The following SLIT2 variants were observed in gnomAD, a reference collection of about 807,000 sequenced individuals.
SLIT2 encodes the protein slit homolog 2 protein.
SLIT2 carries 41 observed loss-of-function variants against 185.7 expected under a neutral mutation model. The observed-to-expected ratio is 0.22, with a 90% CI of 0.17 to 0.29. The LOEUF (loss-of-function observed/expected upper bound fraction) is 0.29, where lower values mean the gene tolerates loss of function less well. Ranked by LOEUF, SLIT2 falls within the 10% of genes least tolerant of loss-of-function variation. The pLI is 1.00. For synonymous variants in SLIT2, 693 were observed against 680.2 expected, an observed-to-expected ratio of 1.02 and a Z score of -0.29; for missense variants, 1,571 against 1,909.0, an observed-to-expected ratio of 0.82 and a Z score of 3.30.
chr4:20,532,091 T>A (rs1200442839), intron 17 of SLIT2, 33 bp downstream of exon 17: 4 of 1,296,096 alleles, frequency 3.1e-6, no homozygotes, highest in Non-Finnish European at 1.1e-6. Flanking sequence ...TTTTTATTTC[T>A]GTAGCATTTT....
intron 4 of SLIT2, among the ~76,000 whole-genome samples, chr4:20,280,183 AT>A (rs780847564): frequency 1.3e-5 from 2 of 151,872 alleles, no homozygotes; most frequent in East Asian, 3.9e-4. Flanking sequence ...AATACAAAAA[AT>A]TAGCTGGGCG....
At chr4:20,310,050 C>T (rs1011669962) in intron 4 of SLIT2, among the ~76,000 whole-genome samples, 5 of 152,038 alleles carry the variant, frequency 3.3e-5, no homozygotes, top group Non-Finnish European at 7.4e-5. Flanking sequence ...CGTGAGCCAC[C>T]GCGTCCGGCC....
intron 4 of SLIT2, among the ~76,000 whole-genome samples, chr4:20,368,227 A>AG (rs1723282094): frequency 6.6e-6 from 1 of 150,622 alleles, no homozygotes; most frequent in Non-Finnish European, 1.5e-5. Context: ...AGCAAAAAAA[A>AG]AAAAAAAGAA....
At chr4:20,586,110 T>G (rs1005944875) in intron 29 of SLIT2, among the ~76,000 whole-genome samples, 1 of 152,196 alleles carries the variant, frequency 6.6e-6, no homozygotes, top group Non-Finnish European at 1.5e-5. Flanking sequence ...ATTGAGCTCC[T>G]GAATCTCGCC....
At chr4:20,357,856 A>G (rs1722453419) in intron 4 of SLIT2, among the ~76,000 whole-genome samples, 1 of 152,096 alleles carries the variant, frequency 6.6e-6, no homozygotes, top group African/African-American at 2.4e-5. Context: ...CTAGCCCTTT[A>G]TTGGTAGATT....
At chr4:20,265,751 T>C (rs892819956) in intron 3 of SLIT2, among the ~76,000 whole-genome samples, 2 of 151,960 alleles carry the variant, frequency 1.3e-5, no homozygotes, top group Non-Finnish European at 2.9e-5. Context: ...AATAAAACTT[T>C]GTTGTATTTA....
At chr4:20,553,735 TTGTGTGTGTG>T in intron 25 of SLIT2, 60 bp from the exon 26 acceptor site, 2 of 1,119,332 alleles carry the variant, frequency 1.8e-6, no homozygotes, top group Non-Finnish European at 2.4e-6. Context: ...ACTTCCATAC[TTGTGTGTGTG>T]TGTGTGTGTG....
At chr4:20,569,056 C>A in intron 29 of SLIT2, 52 bp downstream of exon 29, 1 of 1,451,200 alleles carries the variant, frequency 6.9e-7, no homozygotes, top group Non-Finnish European at 9.7e-7. Flanking sequence ...TGTTTGAAAG[C>A]ATCATTGGAA....
At chr4:20,575,539 C>G (rs894879810) in intron 29 of SLIT2, among the ~76,000 whole-genome samples, 3 of 152,116 alleles carry the variant, frequency 2.0e-5, no homozygotes, top group African/African-American at 7.2e-5. Flanking sequence ...GATGCAAACC[C>G]ATGTCTCATT....
chr4:20,494,294 C>T (rs534822859), intron 9 of SLIT2, among the ~76,000 whole-genome samples: 1 of 152,236 alleles, frequency 6.6e-6, no homozygotes, highest in East Asian at 1.9e-4. Flanking sequence ...TGGGATTTGG[C>T]ATTTGATGAG....
At chr4:20,256,862 G>C (rs1711905016) in intron 2 of SLIT2, 119 bp downstream of exon 2, 1 of 532,112 alleles carries the variant, frequency 1.9e-6, no homozygotes, top group East Asian at 3.2e-5. Flanking sequence ...AAAAGGTCAT[G>C]CTTTCCTTTT....
At chr4:20,488,572 G>GT (rs1560468620) in intron 7 of SLIT2, among the ~76,000 whole-genome samples, 1 of 151,958 alleles carries the variant, frequency 6.6e-6, no homozygotes, top group African/African-American at 2.4e-5. Context: ...TTAAATGAAC[G>GT]TAAGTGAAAT....
chr4:20,298,170 C>T (rs1419179655), intron 4 of SLIT2, among the ~76,000 whole-genome samples: 2 of 151,780 alleles, frequency 1.3e-5, no homozygotes, highest in East Asian at 3.9e-4. Flanking sequence ...CTCACTGCAA[C>T]CTCCACCTCC....
At chr4:20,553,658 C>T (rs1451887373) in intron 25 of SLIT2, 147 bp from the exon 26 acceptor site, 7 of 730,912 alleles carry the variant, frequency 9.6e-6, no homozygotes, top group African/African-American at 7.4e-5. Context: ...TTGTTATCCT[C>T]AATAAATCTA....
chr4:20,575,665 C>T (rs1312407924), intron 29 of SLIT2, among the ~76,000 whole-genome samples: 1 of 152,134 alleles, frequency 6.6e-6, no homozygotes, highest in East Asian at 1.9e-4. Context: ...ATTTCTCATT[C>T]ATGATTTATG....
At chr4:20,292,794 A>AT (rs1716088464) in intron 4 of SLIT2, among the ~76,000 whole-genome samples, 1 of 151,740 alleles carries the variant, frequency 6.6e-6, no homozygotes, top group Non-Finnish European at 1.5e-5. Flanking sequence ...TTTTTTCTTT[A>AT]TTTTTTGGTC....
At chr4:20,277,000 G>A (rs1385114989) in intron 4 of SLIT2, among the ~76,000 whole-genome samples, 1 of 152,194 alleles carries the variant, frequency 6.6e-6, no homozygotes, top group African/African-American at 2.4e-5. Context: ...AAATTGGACT[G>A]GAAGTCGAGT....
chr4:20,613,358 C>A (rs1729391089), intron 34 of SLIT2, among the ~76,000 whole-genome samples: 1 of 152,184 alleles, frequency 6.6e-6, no homozygotes, highest in South Asian at 2.1e-4. Flanking sequence ...TTGGCAGGAA[C>A]ATGGATGGAG....
intron 29 of SLIT2, among the ~76,000 whole-genome samples, chr4:20,577,008 G>T (rs932186798): frequency 6.6e-6 from 1 of 151,030 alleles, no homozygotes; most frequent in South Asian, 2.1e-4. Context: ...AAATATACCA[G>T]ATGCTTATTG....
Sources: gnomAD v4.1 joint callset for allele counts (sites outside exome capture counted in the v4.1 genomes callset) on GRCh38, gnomAD v4.1.1 for gene constraint, MANE v1.5 for transcripts, NCBI Gene and HGNC (gene_info 2026-07-23, HGNC 2026-07-21) for gene names.